The following GPR39 variants were observed in gnomAD, a reference collection of about 807,000 sequenced individuals.
The protein encoded by GPR39 is zinc sensing receptor.
A neutral mutation model predicts 18.4 loss-of-function variants in GPR39; 23 were observed. That is an observed-to-expected ratio of 1.25 (90% CI 0.90 to 1.77). GPR39 has a LOEUF of 1.77. GPR39 is among the 40% of genes most tolerant of loss of function. The pLI, the probability that GPR39 is intolerant of heterozygous loss-of-function variation, is 0.00. For missense variants in GPR39, 647 were observed against 602.4 expected (o/e 1.07, Z -0.78); for synonymous variants, 280 against 257.9 (o/e 1.09, Z -0.82).
intron 1 of GPR39, among the ~76,000 whole-genome samples, chr2:132,620,434 A>G (rs577167572): frequency 1.3e-5 from 2 of 152,266 alleles, no homozygotes; most frequent in South Asian, 4.1e-4. Flanking sequence ...CACCCCTCCC[A>G]TCTCAGTTTC....
At chr2:132,429,390 T>C (rs948233295) in intron 1 of GPR39, among the ~76,000 whole-genome samples, 6 of 152,238 alleles carry the variant, frequency 3.9e-5, no homozygotes, top group African/African-American at 1.4e-4. Context: ...ATCTTGCTTT[T>C]AGGCTACCCA....
At chr2:132,470,755 G>A (rs567404214) in intron 1 of GPR39, among the ~76,000 whole-genome samples, 9 of 151,774 alleles carry the variant, frequency 5.9e-5, no homozygotes, top group East Asian at 2.0e-4. Flanking sequence ...GGGAGGGCAC[G>A]GAAAGGCTTC....
intron 1 of GPR39, among the ~76,000 whole-genome samples, chr2:132,548,505 A>G (rs570985532): frequency 6.6e-6 from 1 of 152,358 alleles, no homozygotes; most frequent in Non-Finnish European, 1.5e-5. Context: ...GGACAGACTT[A>G]GTGAATAAGT....
rs530088193 is a variant in GPR39 at position 132,553,640 on chromosome 2, G to C, written c.857-91461G>C. Among the ~76,000 whole-genome samples the C allele has an allele frequency of 5.3e-4, 81 of 152,166 alleles. 1 individual carries two copies. The highest frequency in any genetic ancestry group is 1.9e-3 in the African/African-American group (79 of 41,538). On this transcript the variant is annotated intron_variant, in intron 1 of 1. Transcript: ENST00000329321. ...GCCCTGAGTGAGCACAGAGCTCACG[G>C]GGTGTGCAGGGGCAGGCACGGCTGT... is the stretch of plus-strand genomic sequence containing the variant.
Position 132,645,993 on chromosome 2 carries a change from G to A in GPR39, c.*387G>A. 7.3e-7 allele frequency: 1 copy of A among 1,377,132 alleles called. No individual in the cohort carries two copies. 85.3% of individuals were successfully genotyped at this position (1,377,132 alleles called of 1,614,324 possible). ...AACTCACTCAGGGAGGTGGGGGGTTGGGGGCGAGGGCTGGAAGAACAATGC... is the reference window on the plus strand; with the variant it reads ...AACTCACTCAGGGAGGTGGGGGGTTAGGGGCGAGGGCTGGAAGAACAATGC... On this transcript the variant is annotated 3_prime_UTR_variant, in exon 2 of 2. Coordinates refer to ENST00000329321, the MANE Select transcript of GPR39 (RefSeq NM_001508.3).
In GPR39 at chr2:132,417,927, AG is replaced by A. The variant is rs754837108; in HGVS notation, c.856+30del. The A allele has an allele frequency of 3.2e-6, 5 of 1,544,324 alleles. No homozygotes were observed. In the African/African-American group the frequency reaches 6.8e-5, roughly 21 times the overall value. ...AGTCCTAAGTCGGGGGCAACACGTG[AG>A]CAGCTTCCCAACCTTCCCCCACGAC... On this transcript the variant is annotated intron_variant, in intron 1 of 1. Coordinates refer to ENST00000329321, the MANE Select transcript of GPR39 (RefSeq NM_001508.3).
intron 1 of GPR39, among the ~76,000 whole-genome samples, chr2:132,446,313 G>A (rs1020091904): frequency 2.0e-5 from 3 of 152,116 alleles, no homozygotes; most frequent in African/African-American, 7.2e-5. Flanking sequence ...ATGAAGAAAT[G>A]GTCTCCACCT....
At chr2:132,479,173 G>A (rs1219603645) in intron 1 of GPR39, among the ~76,000 whole-genome samples, 3 of 152,146 alleles carry the variant, frequency 2.0e-5, no homozygotes, top group African/African-American at 7.2e-5. Flanking sequence ...AAAGGCCCGT[G>A]GTATTCCAGG....
chr2:132,616,550 C>T (rs923609189), intron 1 of GPR39, among the ~76,000 whole-genome samples: 2 of 152,148 alleles, frequency 1.3e-5, no homozygotes, highest in South Asian at 2.1e-4. Flanking sequence ...TCTGACTTTA[C>T]CTGTTCACAG....
rs552170258 is a variant in GPR39, at chr2:132,568,074, G to C, written c.857-77027G>C. Among the ~76,000 whole-genome samples the C allele has an allele frequency of 6.8e-4, 103 of 152,144 alleles. 2 individuals are homozygous for C. The highest frequency in any genetic ancestry group is 2.7e-3 in the Admixed American group (42 of 15,292). ...TTCTGATTTAACTGGCCTTGAGTAG[G>C]GATGAAGAGTTCCCATATGATTAAA... On this transcript the variant is annotated intron_variant, in intron 1 of 1. Coordinates refer to ENST00000329321, the MANE Select transcript of GPR39 (RefSeq NM_001508.3).
Position 132,616,107 on chromosome 2 carries a change from C to T in GPR39, c.857-28994C>T, listed in dbSNP as rs188374612. 2.5e-3 allele frequency among the ~76,000 whole-genome samples: 375 copies of T among 152,196 alleles called. 4 individuals carry two copies. Among genetic ancestry groups the T allele is most frequent in the African/African-American group, 8.9e-3 (368 of 41,514 alleles). On this transcript the variant is annotated intron_variant, in intron 1 of 1. Coordinates refer to ENST00000329321, the MANE Select transcript of GPR39 (RefSeq NM_001508.3). ...AATGTTTTATTAGCCTGTAACAAAC[C>T]CACCCCCATGTTAGAGCTATTGTTT...
rs554031539 is a variant in GPR39, at chr2:132,601,967, A to G, written c.857-43134A>G. Among the ~76,000 whole-genome samples, 3 of 152,190 alleles carry G rather than the reference A, an allele frequency of 2.0e-5. No individual in the cohort carries two copies. The South Asian group carries it at 6.2e-4, about 32-fold the overall frequency. On this transcript the variant is annotated intron_variant, in intron 1 of 1. Coordinates refer to ENST00000329321, the MANE Select transcript of GPR39 (RefSeq NM_001508.3). The stretch of plus-strand genomic sequence containing the variant: ...GGATTAAAAGAATATTGTTAAAATG[A>G]CAATACTACCCAAAGCAAGCTACAG...
chr2:132,562,735 A>C (rs1186274922), intron 1 of GPR39, among the ~76,000 whole-genome samples: 1 of 152,162 alleles, frequency 6.6e-6, no homozygotes, highest in Non-Finnish European at 1.5e-5. Context: ...TTTACAAAGC[A>C]GCAAAACCCA....
At chr2:132,540,487 C>T (rs1291757063) in intron 1 of GPR39, among the ~76,000 whole-genome samples, 1 of 152,192 alleles carries the variant, frequency 6.6e-6, no homozygotes, top group Admixed American at 6.5e-5. Context: ...TTAACTGACT[C>T]CTACTGGAGA....
rs114538785 is a variant in GPR39 at position 132,571,643 on chromosome 2, C to T, written c.857-73458C>T. 7.6e-3 allele frequency among the ~76,000 whole-genome samples: 1,151 copies of T among 152,200 alleles called. 15 individuals are homozygous for T. Among genetic ancestry groups the T allele is most frequent in the African/African-American group, 0.026 (1,094 of 41,542 alleles). The stretch of plus-strand genomic sequence containing the variant: ...CAAGCTGGGAACTGGGGAGTGGGAT[C>T]TTACTGAGTGATGGTAAGGGGTTGC... On this transcript the variant is annotated intron_variant, in intron 1 of 1. Transcript: ENST00000329321.
intron 1 of GPR39, among the ~76,000 whole-genome samples, chr2:132,487,967 A>G (rs1334570166): frequency 1.3e-5 from 2 of 152,208 alleles, no homozygotes; most frequent in Non-Finnish European, 2.9e-5. Context: ...ACAACTCAAC[A>G]TATCATAATG....
chr2:132,577,492 G>GCT (rs138822942), intron 1 of GPR39, among the ~76,000 whole-genome samples: 2,763 of 152,224 alleles, frequency 0.018, 98 homozygotes, highest in African/African-American at 0.064. Flanking sequence ...AGAATTGACA[G>GCT]CTGTACTATA....
chr2:132,552,886 AC>A (rs1256129092), intron 1 of GPR39, among the ~76,000 whole-genome samples: 1 of 100,180 alleles, frequency 1.0e-5, no homozygotes. Flanking sequence ...ATATATATAT[AC>A]ACACATATAT....
intron 1 of GPR39, among the ~76,000 whole-genome samples, chr2:132,584,197 G>A (rs969214714): frequency 7.2e-5 from 11 of 152,144 alleles, no homozygotes; most frequent in African/African-American, 2.7e-4. Flanking sequence ...CAGAAGAAAA[G>A]GGATGTGGAT....
Sources: allele counts gnomAD v4.1 joint callset (sites outside exome capture counted in the v4.1 genomes callset), GRCh38; gene constraint gnomAD v4.1.1; transcripts MANE v1.5; gene names NCBI Gene and HGNC (gene_info 2026-07-23, HGNC 2026-07-21).